The following HPGDS variants were observed in gnomAD, a reference collection of about 807,000 sequenced individuals.
HPGDS encodes the protein GST class-sigma.
In HPGDS, 26 loss-of-function variants were observed where a neutral mutation model predicts 23.1. The ratio of observed to expected loss-of-function variants is 1.13; its 90% CI spans 0.83 to 1.56. The LOEUF is 1.56. Among genes scored for constraint, HPGDS ranks in the 40% most tolerant of loss-of-function variants. The probability of loss-of-function intolerance (pLI) is 0.00; values close to 1 mark genes in which losing one functional copy is unlikely to be tolerated. For missense variants in HPGDS, 268 were observed against 236.4 expected, an observed-to-expected ratio of 1.13 and a Z score of -0.88; for synonymous variants, 95 against 77.9, an observed-to-expected ratio of 1.22 and a Z score of -1.16.
chr4:94,325,166 G>A (rs1756604016), intron 2 of HPGDS, among the ~76,000 whole-genome samples: 1 of 152,160 alleles, frequency 6.6e-6, no homozygotes, highest in Admixed American at 6.5e-5. Flanking sequence ...ATCTCAGAGG[G>A]ACACCCAGCT....
intron 3 of HPGDS, among the ~76,000 whole-genome samples, chr4:94,315,560 A>G (rs1040227536): frequency 1.3e-5 from 2 of 152,194 alleles, no homozygotes; most frequent in Admixed American, 1.3e-4. Flanking sequence ...AGTTTTCTCA[A>G]TGGTGCCAAT....
At chr4:94,342,153 T>A (rs954895088) in intron 1 of HPGDS, among the ~76,000 whole-genome samples, 25 of 152,014 alleles carry the variant, frequency 1.6e-4, no homozygotes, top group Non-Finnish European at 2.4e-4. Context: ...TTTTTTTTTT[T>A]ATCAAATATC....
At chr4:94,301,717 CCAA>C (rs1319661250) in intron 5 of HPGDS, among the ~76,000 whole-genome samples, 3 of 151,982 alleles carry the variant, frequency 2.0e-5, no homozygotes, top group Admixed American at 1.3e-4. Flanking sequence ...TGTAGTACCA[CCAA>C]CAATATGATT....
chr4:94,306,756 C>G (rs1367149028), intron 4 of HPGDS, among the ~76,000 whole-genome samples: 1 of 151,958 alleles, frequency 6.6e-6, no homozygotes, highest in Admixed American at 6.6e-5. Context: ...ATGAGAAATG[C>G]TTTCTAAAAG....
chr4:94,314,267 G>T (rs1044680020), intron 3 of HPGDS, among the ~76,000 whole-genome samples: 2 of 152,136 alleles, frequency 1.3e-5, no homozygotes, highest in Admixed American at 6.6e-5. Flanking sequence ...CATCTTTGTG[G>T]TTTTATCTAC....
intron 3 of HPGDS, among the ~76,000 whole-genome samples, chr4:94,315,508 G>A (rs936907870): frequency 6.6e-5 from 10 of 151,822 alleles, no homozygotes; most frequent in Admixed American, 5.9e-4. Context: ...TGTCTCATTT[G>A]TTAATCATTA....
chr4:94,303,968 C>A (rs1163989803), intron 4 of HPGDS: 1 of 151,926 alleles, frequency 6.6e-6, no homozygotes, highest in Non-Finnish European at 1.5e-5. Context: ...ATTTAAGTTT[C>A]ATTTTAAAGT....
chr4:94,309,633 G>A (rs1362384712), intron 3 of HPGDS, among the ~76,000 whole-genome samples: 1 of 151,882 alleles, frequency 6.6e-6, no homozygotes, highest in Admixed American at 6.6e-5. Flanking sequence ...ATAATCCTTT[G>A]GGTATATACC....
chr4:94,340,545 T>C (rs1339247177), intron 1 of HPGDS, among the ~76,000 whole-genome samples: 1 of 147,520 alleles, frequency 6.8e-6, no homozygotes, highest in Non-Finnish European at 1.5e-5. Flanking sequence ...TTCCCCGTGT[T>C]AGCCGGGGTG....
intron 3 of HPGDS, among the ~76,000 whole-genome samples, chr4:94,310,097 G>A (rs1756230855): frequency 6.6e-6 from 1 of 152,016 alleles, no homozygotes; most frequent in Admixed American, 6.5e-5. Flanking sequence ...TCACTCTGAT[G>A]GTAGTTTCTT....
At chr4:94,312,434 T>G (rs1447271429) in intron 3 of HPGDS, among the ~76,000 whole-genome samples, 3 of 152,206 alleles carry the variant, frequency 2.0e-5, no homozygotes, top group Admixed American at 1.3e-4. Context: ...TCAGTTTACA[T>G]GTAGTTGAGC....
At chr4:94,322,176 T>C (rs962075439) in intron 2 of HPGDS, among the ~76,000 whole-genome samples, 1 of 152,064 alleles carries the variant, frequency 6.6e-6, no homozygotes, top group Non-Finnish European at 1.5e-5. Context: ...CAGTATTTTA[T>C]TGAGGATTTT....
intron 2 of HPGDS, among the ~76,000 whole-genome samples, chr4:94,328,180 A>G (rs557061685): frequency 3.1e-4 from 47 of 152,356 alleles, no homozygotes; most frequent in Non-Finnish European, 6.0e-4. Flanking sequence ...AGCTGATTCC[A>G]GCCACATCAG....
At chr4:94,301,906 ACTTTG>A (rs1756047933) in intron 5 of HPGDS, among the ~76,000 whole-genome samples, 2 of 152,040 alleles carry the variant, frequency 1.3e-5, no homozygotes, top group South Asian at 2.1e-4. Flanking sequence ...AGGTTCATTT[ACTTTG>A]CTTTGATTTT....
In HPGDS at chr4:94,302,295, A is replaced by G. The variant is rs368347962; in HGVS notation, c.337-51T>C. ...TAAGAATAATGAGAAGAAAAGTAAC[A>G]TGATCTGAGGAGGAAGTAGATTTCT... is the stretch of plus-strand genomic sequence containing the variant. On this transcript the variant is annotated intron_variant, in intron 4 of 5. Transcript: ENST00000295256. The G allele has an allele frequency of 1.7e-5, 21 of 1,264,770 alleles. No homozygotes were observed. In the African/African-American group the frequency reaches 2.2e-4, roughly 13 times the overall value. 78.3% of individuals were successfully genotyped at this position (1,264,770 alleles called of 1,614,324 possible). A position where few individuals can be genotyped will look rare whatever the true frequency, so the allele number is the denominator to read the frequency against.
chr4:94,340,311 C>CTTTCTTTTTCTTTTTTTT, intron 1 of HPGDS, among the ~76,000 whole-genome samples: 1 of 23,678 alleles, frequency 4.2e-5, no homozygotes, highest in African/African-American at 1.5e-4. Context: ...CTTTCTTTCT[C>CTTTCTTTTTCTTTTTTTT]TTTTTTTTTT....
chr4:94,321,337 T>C (rs1238785535), intron 2 of HPGDS, among the ~76,000 whole-genome samples: 1 of 152,230 alleles, frequency 6.6e-6, no homozygotes, highest in African/African-American at 2.4e-5. Context: ...GCATTGAATC[T>C]ATAAATTACC....
chr4:94,303,347 G>A (rs1279777259), intron 4 of HPGDS, among the ~76,000 whole-genome samples: 1 of 152,014 alleles, frequency 6.6e-6, no homozygotes, highest in Non-Finnish European at 1.5e-5. Flanking sequence ...CTCAGATATC[G>A]GTTCTTGAGA....
At chr4:94,334,332 T>C in intron 2 of HPGDS, 165 bp downstream of exon 2, 2 of 525,206 alleles carry the variant, frequency 3.8e-6, no homozygotes, top group South Asian at 4.5e-5. Context: ...TCACCTCTAA[T>C]AGGAAATTTG....
Sources: gnomAD v4.1 joint callset for allele counts (sites outside exome capture counted in the v4.1 genomes callset) on GRCh38, gnomAD v4.1.1 for gene constraint, MANE v1.5 for transcripts, NCBI Gene and HGNC (gene_info 2026-07-23, HGNC 2026-07-21) for gene names.